Variants in NWD2 observed in about 807,000 individuals in gnomAD.
NWD2 encodes the protein NACHT and WD repeat domain containing 2, also known as NACHT and WD repeat domain-containing protein 2.
Under a neutral mutation model 132.7 loss-of-function variants are expected in NWD2, and 37 were observed. The ratio of observed to expected loss-of-function variants is 0.28; its 90% CI spans 0.21 to 0.37. The LOEUF (loss-of-function observed/expected upper bound fraction) is 0.37. Among genes scored for constraint, NWD2 ranks in the 10% least tolerant of loss-of-function variants. The probability of loss-of-function intolerance (pLI) is 1.00; values close to 1 mark genes in which losing one functional copy is unlikely to be tolerated. For missense variants in NWD2, 1,592 were observed against 2,122.4 expected, an observed-to-expected ratio of 0.75 and a Z score of 4.91; for synonymous variants, 705 against 803.0, an observed-to-expected ratio of 0.88 and a Z score of 2.06.
intron 2 of NWD2, among the ~76,000 whole-genome samples, chr4:37,327,629 G>A (rs1719200429): frequency 6.6e-6 from 1 of 152,098 alleles, no homozygotes; most frequent in African/African-American, 2.4e-5. Context: ...AATTAAATAT[G>A]CAAGGTTACA....
intron 5 of NWD2, among the ~76,000 whole-genome samples, chr4:37,435,834 A>G (rs1712307232): frequency 6.6e-6 from 1 of 152,188 alleles, no homozygotes; most frequent in Non-Finnish European, 1.5e-5. Flanking sequence ...ATACATGCTC[A>G]TGACAATTTT....
At chr4:37,326,962 G>A (rs1350551403) in intron 2 of NWD2, among the ~76,000 whole-genome samples, 1 of 152,096 alleles carries the variant, frequency 6.6e-6, no homozygotes, top group Non-Finnish European at 1.5e-5. Flanking sequence ...AATGCATAAT[G>A]TCTTTGCCAC....
At chr4:37,293,006 T>A (rs1718397261) in intron 1 of NWD2, among the ~76,000 whole-genome samples, 1 of 152,248 alleles carries the variant, frequency 6.6e-6, no homozygotes, top group African/African-American at 2.4e-5. Flanking sequence ...CTAAAATGTC[T>A]ATACCTATTA....
rs374129960 is a variant in NWD2, at chr4:37,256,671, A to T, written c.151+11453A>T. 1.9e-4 allele frequency among the ~76,000 whole-genome samples: 29 copies of T among 152,328 alleles called. 1 individual carries two copies. The South Asian group carries it at 6.0e-3, about 32-fold the overall frequency. ...CTTGAAAATAACAAATTCCTTTACG[A>T]GCCCATTTGTTTTAAAATTCAGAAG... On this transcript the variant is annotated intron_variant, in intron 1 of 6. Transcript: ENST00000309447.
chr4:37,351,300 A>G (rs920515398), intron 2 of NWD2, among the ~76,000 whole-genome samples: 1 of 152,152 alleles, frequency 6.6e-6, no homozygotes, highest in African/African-American at 2.4e-5. Context: ...CTGTGAATCC[A>G]TCTGGTCCTG....
At position 37,433,914 on chromosome 4, in the gene NWD2, G is replaced by A. The variant is rs1242986077; in HGVS notation, c.600G>A (p.Trp200Ter). 6.5e-7 allele frequency: 1 copy of A among 1,547,530 alleles called. No homozygotes were observed. The highest frequency in any genetic ancestry group is 8.7e-7 in the Non-Finnish European group (1 of 1,144,426). The change falls in exon 5 of 7, where the codon TGG becomes TGA. Residue 200 changes from tryptophan (W) to a stop codon, truncating the protein, a stop_gained. Transcript: ENST00000309447. LOFTEE classifies it high-confidence loss of function. ...CCAATGCTGAAAACGAGAAGACATG[G>A]CAAGAGATATCAGATGAGATCAAGA... Reference protein sequence around the residue: ...PSTNAENEKTWQEISDEIKKI... With the variant: ...PSTNAENEKT
chr4:37,291,215 G>A (rs934123326), intron 1 of NWD2, among the ~76,000 whole-genome samples: 26 of 151,246 alleles, frequency 1.7e-4, no homozygotes, highest in Non-Finnish European at 3.4e-4. Context: ...ATTTTCTTGC[G>A]TTATTTAATA....
intron 1 of NWD2, among the ~76,000 whole-genome samples, chr4:37,301,433 A>AC (rs1718610004): frequency 6.6e-6 from 1 of 151,048 alleles, no homozygotes; most frequent in Admixed American, 6.6e-5. Flanking sequence ...TCTTTTGTCC[A>AC]TTTTTTTTCT....
chr4:37,445,941 C>T lies in NWD2; in HGVS notation c.3953C>T (p.Pro1318Leu). 6.4e-7 allele frequency: 1 copy of T among 1,551,642 alleles called. No homozygotes were observed. The highest frequency in any genetic ancestry group is 8.7e-7 in the Non-Finnish European group (1 of 1,146,984). ...AMSNIDKTGK[P>L]IQSLLLPARG... is the part of the protein sequence containing the mutation. Reference sequence around the variant, plus strand: ...TCCAACATAGATAAGACTGGAAAACCCATCCAAAGTCTGTTGTTGCCTGCT... The same window carrying T: ...TCCAACATAGATAAGACTGGAAAACTCATCCAAAGTCTGTTGTTGCCTGCT... The change falls in exon 7 of 7, where the codon CCC becomes CTC. Residue 1318 changes from proline (P) to leucine (L), a missense_variant. Physicochemically the swap from Pro to Leu is moderately conservative, Grantham distance 98. Coordinates refer to ENST00000309447, the MANE Select transcript of NWD2 (RefSeq NM_001144990.2). The surrounding 1 kb of genome is among the most constrained non-coding windows in gnomAD (Gnocchi z 4.7).
rs143177526 is a variant in NWD2, at chr4:37,407,001, G to A, written c.358-23571G>A. Among the ~76,000 whole-genome samples the A allele has an allele frequency of 6.4e-3, 975 of 152,018 alleles. 5 individuals carry two copies. The highest frequency in any genetic ancestry group is 0.021 in the African/African-American group (879 of 41,458). On this transcript the variant is annotated intron_variant, in intron 3 of 6. Coordinates refer to ENST00000309447, the MANE Select transcript of NWD2 (RefSeq NM_001144990.2). Reference sequence around the variant, plus strand: ...ACACAGGAACAGAAAACCAAACACCGCATGTTCTCATTCATAAGTTGGAGT... The same window carrying A: ...ACACAGGAACAGAAAACCAAACACCACATGTTCTCATTCATAAGTTGGAGT...
chr4:37,438,996 T>C lies in NWD2; in HGVS notation c.902T>C (p.Leu301Pro). 1 of 1,551,840 alleles carries C rather than the reference T, an allele frequency of 6.4e-7. No homozygotes were observed. The highest frequency in any genetic ancestry group is 8.7e-7 in the Non-Finnish European group (1 of 1,147,004). Residue 301 changes from leucine to proline, a missense_variant, in exon 6 of 7, where the codon CTC becomes CCC. Around this residue, in one of 7 missense-constraint regions of NWD2, gnomAD observed 1,071 missense variants for 1,398.0 expected, o/e 0.77. Coordinates refer to ENST00000309447, the MANE Select transcript of NWD2 (RefSeq NM_001144990.2). ...GAAGCCCAAGAGAAGCTGATAAAACTCAGGGATGAATTTATTCCTACTATT... is the reference window on the plus strand; with the variant it reads ...GAAGCCCAAGAGAAGCTGATAAAACCCAGGGATGAATTTATTCCTACTATT... ...DPEAQEKLIKLRDEFIPTIVA... is the reference protein window; with the variant it reads ...DPEAQEKLIKPRDEFIPTIVA...
intron 3 of NWD2, among the ~76,000 whole-genome samples, chr4:37,374,765 A>G (rs989864590): frequency 1.3e-5 from 2 of 152,112 alleles, no homozygotes; most frequent in East Asian, 1.9e-4. Context: ...AAATAATAAC[A>G]GCAACAATAC....
At chr4:37,341,956 T>A (rs1022116966) in intron 2 of NWD2, among the ~76,000 whole-genome samples, 1 of 152,034 alleles carries the variant, frequency 6.6e-6, no homozygotes, top group Non-Finnish European at 1.5e-5. Flanking sequence ...GGAGCTGAAG[T>A]CATAATACAG....
chr4:37,345,079 C>A (rs1376454199), intron 2 of NWD2, among the ~76,000 whole-genome samples: 3 of 152,114 alleles, frequency 2.0e-5, no homozygotes, highest in African/African-American at 7.2e-5. Context: ...CAATAGTATG[C>A]CATTGTGTGG....
intron 1 of NWD2, among the ~76,000 whole-genome samples, chr4:37,316,839 T>C (rs2109283734): frequency 6.6e-6 from 1 of 152,322 alleles, no homozygotes. Context: ...TTGGATATTT[T>C]AGGTAATATA....
At chr4:37,365,450 A>G (rs1720082210) in intron 3 of NWD2, among the ~76,000 whole-genome samples, 1 of 152,218 alleles carries the variant, frequency 6.6e-6, no homozygotes, top group Non-Finnish European at 1.5e-5. Flanking sequence ...TAAATTAAAC[A>G]GTCTAGCTTA....
intron 1 of NWD2, among the ~76,000 whole-genome samples, chr4:37,294,375 T>TA (rs1269363887): frequency 6.6e-6 from 1 of 152,188 alleles, no homozygotes; most frequent in Non-Finnish European, 1.5e-5. Context: ...TCTGCTTTTA[T>TA]ATGCCCCACA....
chr4:37,361,946 C>T lies in NWD2; in HGVS notation c.357+5464C>T, dbSNP rs191205810. Among the ~76,000 whole-genome samples the T allele has an allele frequency of 3.9e-4, 60 of 152,244 alleles. No homozygotes were observed. The East Asian group carries it at 8.9e-3, about 23-fold the overall frequency. ...ATCATAAAGACTCTTCCAAAGGGCT[C>T]CCATAACTGATAAACAACTTCAGTT... is the stretch of plus-strand genomic sequence containing the variant. On this transcript the variant is annotated intron_variant, in intron 3 of 6. Transcript: ENST00000309447.
intron 1 of NWD2, among the ~76,000 whole-genome samples, chr4:37,313,334 A>G (rs1718889336): frequency 6.6e-6 from 1 of 150,922 alleles, no homozygotes; most frequent in Non-Finnish European, 1.5e-5. Context: ...CAGAGATTCA[A>G]CTTCTTCCTG....
Sources: allele counts gnomAD v4.1 joint callset (sites outside exome capture counted in the v4.1 genomes callset), GRCh38; gene constraint gnomAD v4.1.1; regional missense constraint gnomAD v4.1.1; non-coding constraint Gnocchi (gnomAD v3.1); transcripts MANE v1.5; gene names NCBI Gene and HGNC (gene_info 2026-07-23, HGNC 2026-07-21).